The following GPRC6A variants were observed in gnomAD, a reference collection of about 807,000 sequenced individuals.
The protein encoded by GPRC6A is G protein-coupled receptor class C group 6 member A.
Under a neutral mutation model 47.0 loss-of-function variants are expected in GPRC6A, and 54 were observed. The ratio of observed to expected loss-of-function variants is 1.15; its 90% confidence interval spans 0.92 to 1.44. GPRC6A has a LOEUF of 1.44. GPRC6A is among the 40% of genes most tolerant of loss of function. GPRC6A has a pLI of 0.00. For missense variants in GPRC6A, 1,112 were observed against 1,105.5 expected, an observed-to-expected ratio of 1.01 and a Z score of -0.08; for synonymous variants, 347 against 377.1, an observed-to-expected ratio of 0.92 and a Z score of 0.93.
In GPRC6A at chr6:116,792,803, A is replaced by G; in HGVS notation, c.2120T>C (p.Ile707Thr). 1 of 1,614,068 alleles carries G rather than the reference A, an allele frequency of 6.2e-7. No individual in the cohort carries two copies. The highest frequency in any genetic ancestry group is 8.5e-7 in the Non-Finnish European group (1 of 1,179,982). Reference sequence around the variant, plus strand: ...CTGGATGCCCGTGCAAGTGAAGATAATAAGGATCGGTCTATAGAGGCACTT... The same window carrying G: ...CTGGATGCCCGTGCAAGTGAAGATAGTAAGGATCGGTCTATAGAGGCACTT... ...FLKCLYRPIL[I>T]IFTCTGIQVV... Residue 707 changes from isoleucine (I) to threonine (T), a missense_variant, in exon 6 of 6, where the codon ATT becomes ACT. Physicochemically the swap from Ile to Thr is moderately conservative, Grantham distance 89 (BLOSUM62 -1). Coordinates refer to ENST00000310357, the MANE Select transcript of GPRC6A (RefSeq NM_148963.4).
intron 1 of GPRC6A, among the ~76,000 whole-genome samples, chr6:116,809,924 T>C (rs1244435463): frequency 6.6e-6 from 1 of 152,156 alleles, no homozygotes; most frequent in Non-Finnish European, 1.5e-5. Context: ...TAGTTAGAGA[T>C]CAGCATTTTA....
Position 116,816,689 on chromosome 6 carries a change from G to A in GPRC6A, c.195-7072C>T, listed in dbSNP as rs531502352. Among the ~76,000 whole-genome samples, 16 of 152,224 alleles carry A rather than the reference G, an allele frequency of 1.1e-4. No individual in the cohort carries two copies. In the South Asian group the frequency reaches 2.5e-3, roughly 24 times the overall value. ...AGGTCAGTGGGTGCACGCACCGTGC[G>A]CGAACCGAAGCAGGGCGAGGCATTG... On this transcript the variant is annotated intron_variant, in intron 1 of 5. Transcript: ENST00000310357.
intron 1 of GPRC6A, among the ~76,000 whole-genome samples, chr6:116,821,813 G>A (rs1370289619): frequency 6.6e-6 from 1 of 151,472 alleles, no homozygotes; most frequent in African/African-American, 2.4e-5. Flanking sequence ...AGGACTTCAT[G>A]TCTAAAACAC....
intron 1 of GPRC6A, among the ~76,000 whole-genome samples, chr6:116,818,045 T>A (rs1773291887): frequency 6.6e-6 from 1 of 151,908 alleles, no homozygotes; most frequent in Admixed American, 6.6e-5. Context: ...ACAAAGATAC[T>A]CCTCGAGAAG....
At chr6:116,813,540 AAG>A (rs1773099028) in intron 1 of GPRC6A, among the ~76,000 whole-genome samples, 1 of 152,202 alleles carries the variant, frequency 6.6e-6, no homozygotes, top group African/African-American at 2.4e-5. Context: ...GGTGCTGGGA[AAG>A]CTGGCTAGCC....
At chr6:116,802,765 C>G (rs1295921948) in intron 3 of GPRC6A, among the ~76,000 whole-genome samples, 1 of 152,090 alleles carries the variant, frequency 6.6e-6, no homozygotes, top group Non-Finnish European at 1.5e-5. Flanking sequence ...TTCCCTCCAT[C>G]TCTAAACTCT....
intron 3 of GPRC6A, among the ~76,000 whole-genome samples, chr6:116,805,888 C>T (rs1772820678): frequency 6.6e-6 from 1 of 151,982 alleles, no homozygotes; most frequent in African/African-American, 2.4e-5. Flanking sequence ...AGAGTCTTAA[C>T]TATAGGTGTT....
At chr6:116,797,464 C>A (rs1238093558) in intron 4 of GPRC6A, among the ~76,000 whole-genome samples, 2 of 152,142 alleles carry the variant, frequency 1.3e-5, no homozygotes, top group Non-Finnish European at 2.9e-5. Flanking sequence ...CCCTAACTAG[C>A]CTGCAAATTG....
chr6:116,820,639 C>T (rs940089678), intron 1 of GPRC6A, among the ~76,000 whole-genome samples: 55 of 151,030 alleles, frequency 3.6e-4, no homozygotes, highest in Non-Finnish European at 7.2e-4. Context: ...GCAGAAAAAG[C>T]CTTTGACAAA....
intron 1 of GPRC6A, among the ~76,000 whole-genome samples, chr6:116,823,000 T>G (rs1455492137): frequency 6.6e-6 from 1 of 151,894 alleles, no homozygotes; most frequent in Non-Finnish European, 1.5e-5. Context: ...TCCTTTGAAG[T>G]CTTCTCATTG....
At chr6:116,822,827 A>G (rs954391892) in intron 1 of GPRC6A, among the ~76,000 whole-genome samples, 2 of 150,760 alleles carry the variant, frequency 1.3e-5, no homozygotes, top group African/African-American at 4.9e-5. Context: ...AACCTGTACA[A>G]TGTGCACATG....
chr6:116,827,212 C>T (rs957290646), intron 1 of GPRC6A, among the ~76,000 whole-genome samples: 3 of 151,814 alleles, frequency 2.0e-5, no homozygotes, highest in African/African-American at 7.3e-5. Flanking sequence ...TTGAATTGTT[C>T]CCAATATATA....
rs147708254 is a variant in GPRC6A, at chr6:116,792,561, T to G, written c.2362A>C (p.Met788Leu). ...YNEAKFITFGMLIYFIAWITF... is the reference protein window; with the variant it reads ...YNEAKFITFGLLIYFIAWITF... ...ATCCAAGCTATGAAGTAAATGAGCA[T>G]GCCAAATGTAATGAATTTGGCTTCA... The change falls in exon 6 of 6, where the codon ATG (methionine) becomes CTG (leucine). Residue 788 changes from methionine (M) to leucine (L), a missense_variant. Physicochemically the swap from Met to Leu is conservative, Grantham distance 15. Coordinates refer to ENST00000310357, the MANE Select transcript of GPRC6A (RefSeq NM_148963.4). The G allele has an allele frequency of 1.6e-4, 252 of 1,612,326 alleles. No individual in the cohort carries two copies. Among genetic ancestry groups the G allele is most frequent in the Non-Finnish European group, 2.1e-4 (246 of 1,178,976 alleles).
chr6:116,799,258 T>TA (rs939488086), intron 4 of GPRC6A, among the ~76,000 whole-genome samples: 1 of 152,166 alleles, frequency 6.6e-6, no homozygotes, highest in Non-Finnish European at 1.5e-5. Context: ...AAAAATCTAA[T>TA]AGTCATCAGA....
At chr6:116,827,668 T>C (rs1210648147) in intron 1 of GPRC6A, among the ~76,000 whole-genome samples, 1 of 152,052 alleles carries the variant, frequency 6.6e-6, no homozygotes, top group Non-Finnish European at 1.5e-5. Flanking sequence ...ATTGTTGGCC[T>C]GCAATTGTGG....
intron 1 of GPRC6A, among the ~76,000 whole-genome samples, chr6:116,824,274 TA>T (rs557885039): frequency 6.0e-5 from 9 of 149,302 alleles, no homozygotes; most frequent in South Asian, 4.2e-4. Flanking sequence ...AAATAGAGAC[TA>T]AAAAAAACAA....
rs1352065639 is a variant in GPRC6A, at chr6:116,807,024, A to G, written c.681T>C (p.Thr227=). The change falls in exon 3 of 6, where the codon ACT becomes ACC. Residue 227 remains threonine (T), a synonymous_variant. Transcript: ENST00000310357. ...DDDYGRLALN[T]FIIQAEANNV... Reference sequence around the variant, plus strand: ...TATTTGCTTCAGCCTGAATTATAAAAGTGTTAAGAGCCAATCGTCCATAGT... The same window carrying G: ...TATTTGCTTCAGCCTGAATTATAAAGGTGTTAAGAGCCAATCGTCCATAGT... 6.2e-7 allele frequency: 1 copy of G among 1,613,764 alleles called. No individual in the cohort carries two copies. Among genetic ancestry groups the G allele is most frequent in the East Asian group, 2.2e-5 (1 of 44,870 alleles).
intron 3 of GPRC6A, among the ~76,000 whole-genome samples, chr6:116,804,435 G>C (rs1461347656): frequency 6.6e-6 from 1 of 152,038 alleles, no homozygotes; most frequent in Non-Finnish European, 1.5e-5. Context: ...TCATTGACTA[G>C]GGACCCTAAA....
At chr6:116,796,832 C>T (rs920138524) in intron 4 of GPRC6A, among the ~76,000 whole-genome samples, 18 of 152,238 alleles carry the variant, frequency 1.2e-4, no homozygotes, top group South Asian at 4.2e-4. Flanking sequence ...AAACTTTTAA[C>T]GTATCTACTC....
Sources: allele counts gnomAD v4.1 joint callset (sites outside exome capture counted in the v4.1 genomes callset), GRCh38; gene constraint gnomAD v4.1.1; transcripts MANE v1.5; gene names NCBI Gene and HGNC (gene_info 2026-07-23, HGNC 2026-07-21).